Variants in IPO11 observed in about 807,000 individuals in gnomAD.
IPO11 encodes importin 11.
In IPO11, 66 loss-of-function variants were observed where a neutral mutation model predicts 143.2. That is an observed-to-expected ratio of 0.46 (90% CI 0.38 to 0.57). The LOEUF is 0.57. Ranked by LOEUF, IPO11 falls within the 20% of genes least tolerant of loss-of-function variation. The probability of loss-of-function intolerance (pLI) is 0.00; values close to 1 mark genes in which losing one functional copy is unlikely to be tolerated. For missense variants in IPO11, 1,026 were observed against 1,141.0 expected, an observed-to-expected ratio of 0.90 and a Z score of 1.45; for synonymous variants, 385 against 377.8, an observed-to-expected ratio of 1.02 and a Z score of -0.22.
At chr5:62,585,144 C>G (rs1479738428) in intron 27 of IPO11, among the ~76,000 whole-genome samples, 3 of 152,046 alleles carry the variant, frequency 2.0e-5, no homozygotes, top group African/African-American at 7.2e-5. Context: ...CTTTGGGCAA[C>G]CTTATTGCTT....
intron 29 of IPO11, among the ~76,000 whole-genome samples, chr5:62,625,340 A>G (rs1358015169): frequency 6.6e-6 from 1 of 152,262 alleles, no homozygotes; most frequent in African/African-American, 2.4e-5. Flanking sequence ...GGAACTGCTG[A>G]TACACACTTC....
intron 28 of IPO11, among the ~76,000 whole-genome samples, chr5:62,598,435 T>TTC (rs1745334440): frequency 3.3e-4 from 1 of 3,048 alleles, no homozygotes. Context: ...TTTCTTTCTC[T>TTC]CTCTCTCTCT....
intron 26 of IPO11, among the ~76,000 whole-genome samples, chr5:62,559,189 A>G (rs1441137060): frequency 6.6e-6 from 1 of 152,082 alleles, no homozygotes; most frequent in African/African-American, 2.4e-5. Flanking sequence ...AATAAGACAA[A>G]TGAAGTTTGC....
chr5:62,566,928 A>G (rs941702429), intron 27 of IPO11, among the ~76,000 whole-genome samples: 1 of 152,042 alleles, frequency 6.6e-6, no homozygotes, highest in African/African-American at 2.4e-5. Flanking sequence ...CCTGGGCTCA[A>G]GTGATCCTCC....
At chr5:62,573,591 T>G (rs1043162402) in intron 27 of IPO11, among the ~76,000 whole-genome samples, 4 of 152,212 alleles carry the variant, frequency 2.6e-5, no homozygotes, top group African/African-American at 9.6e-5. Flanking sequence ...TGCTGATGCT[T>G]CTTTGGCGGG....
chr5:62,507,223 T>C (rs1288023658), intron 19 of IPO11, among the ~76,000 whole-genome samples: 2 of 152,202 alleles, frequency 1.3e-5, no homozygotes, highest in African/African-American at 2.4e-5. Context: ...GTTCACGTAT[T>C]TTAATGGCAC....
At chr5:62,444,983 C>T (rs1288161236) in intron 3 of IPO11, among the ~76,000 whole-genome samples, 1 of 151,376 alleles carries the variant, frequency 6.6e-6, no homozygotes, top group Non-Finnish European at 1.5e-5. Context: ...TCATGTTGTA[C>T]TTTTACATAA....
Position 62,470,315 on chromosome 5 carries a change from G to A in IPO11, c.708+7G>A, listed in dbSNP as rs764616317. On this transcript the variant is annotated splice_region_variant and intron_variant, in intron 7 of 29. Transcript: ENST00000325324. ...TAAGAATATGGAGGTGATGGTAAGT[G>A]ATCGAAGAAATTTGCTGTGACTTTG... 9 of 1,612,806 alleles carry A rather than the reference G, an allele frequency of 5.6e-6. No individual in the cohort carries two copies. In the East Asian group the frequency reaches 2.0e-4, roughly 36 times the overall value.
intron 29 of IPO11, among the ~76,000 whole-genome samples, chr5:62,618,359 T>C (rs1231271713): frequency 1.3e-5 from 2 of 151,732 alleles, no homozygotes; most frequent in South Asian, 2.1e-4. Flanking sequence ...CAAGAATAAA[T>C]GAAAATAAAT....
intron 29 of IPO11, among the ~76,000 whole-genome samples, chr5:62,623,645 CTTTTTTTTT>C: frequency 7.4e-6 from 1 of 134,270 alleles, no homozygotes; most frequent in East Asian, 2.1e-4. Context: ...TCTTCTTTTT[CTTTTTTTTT>C]TTTTTTTTTA....
At chr5:62,618,616 T>C (rs1424599207) in intron 29 of IPO11, among the ~76,000 whole-genome samples, 1 of 152,198 alleles carries the variant, frequency 6.6e-6, no homozygotes, top group Non-Finnish European at 1.5e-5. Context: ...GCATATAATA[T>C]GGCTTCAGGT....
intron 27 of IPO11, among the ~76,000 whole-genome samples, chr5:62,587,307 A>T (rs746618067): frequency 3.3e-5 from 5 of 152,132 alleles, no homozygotes; most frequent in Non-Finnish European, 7.4e-5. Context: ...TAAGATAGTG[A>T]ATTTCCACTA....
At chr5:62,476,480 A>G (rs1745961134) in intron 8 of IPO11, among the ~76,000 whole-genome samples, 1 of 152,186 alleles carries the variant, frequency 6.6e-6, no homozygotes, top group African/African-American at 2.4e-5. Context: ...CAGTTCATAT[A>G]TTAGGGTTAA....
At chr5:62,489,921 G>A (rs1005121439) in intron 14 of IPO11, among the ~76,000 whole-genome samples, 194 bp from the exon 15 acceptor site, 1 of 151,992 alleles carries the variant, frequency 6.6e-6, no homozygotes, top group East Asian at 1.9e-4. Flanking sequence ...AAGTAGTAAG[G>A]AATATTTAGG....
chr5:62,606,902 G>T (rs1032500696), intron 29 of IPO11, among the ~76,000 whole-genome samples: 1 of 152,202 alleles, frequency 6.6e-6, no homozygotes, highest in Non-Finnish European at 1.5e-5. Flanking sequence ...ACGTTAGGTT[G>T]AGTTGCATTT....
At chr5:62,495,809 T>A (rs943073026) in intron 16 of IPO11, among the ~76,000 whole-genome samples, 2 of 151,972 alleles carry the variant, frequency 1.3e-5, no homozygotes, top group African/African-American at 4.8e-5. Flanking sequence ...TTATAATGAG[T>A]CTATTAAAAA....
chr5:62,546,608 C>T (rs979409118), intron 24 of IPO11, among the ~76,000 whole-genome samples: 1 of 143,314 alleles, frequency 7.0e-6, no homozygotes, highest in Non-Finnish European at 1.5e-5. Flanking sequence ...AAAAAAAAAC[C>T]ACACACACAC....
chr5:62,622,301 G>A (rs1440341773), intron 29 of IPO11, among the ~76,000 whole-genome samples: 1 of 152,176 alleles, frequency 6.6e-6, no homozygotes, highest in Non-Finnish European at 1.5e-5. Flanking sequence ...TTAGACATCA[G>A]CATTTTTTAA....
chr5:62,435,118 G>GTATATATGTA (rs1254370447), intron 1 of IPO11, among the ~76,000 whole-genome samples: 4 of 60,722 alleles, frequency 6.6e-5, no homozygotes, highest in African/African-American at 2.1e-4. Context: ...ATGTATATAT[G>GTATATATGTA]TATATATGTA....
Sources: allele counts gnomAD v4.1 joint callset (sites outside exome capture counted in the v4.1 genomes callset), GRCh38; gene constraint gnomAD v4.1.1; transcripts MANE v1.5; gene names NCBI Gene and HGNC (gene_info 2026-07-23, HGNC 2026-07-21).